CLK2: variants seen among roughly 807,000 people sequenced by gnomAD.
CLK2 encodes the protein dual specificity protein kinase CLK2.
CLK2 carries 12 observed loss-of-function variants against 73.5 expected under a neutral mutation model. The ratio of observed to expected loss-of-function variants is 0.16; its 90% CI spans 0.10 to 0.26. The LOEUF is 0.26. Ranked by LOEUF, CLK2 falls within the 10% of genes least tolerant of loss-of-function variation. The pLI, the probability that CLK2 is intolerant of heterozygous loss-of-function variation, is 1.00. For missense variants in CLK2, 509 were observed against 688.4 expected (o/e 0.74, Z 2.92); for synonymous variants, 232 against 237.9 (o/e 0.98, Z 0.23).
chr1:155,266,901 A>G lies in CLK2; in HGVS notation c.672-6T>C. On this transcript the variant is annotated splice_region_variant and splice_polypyrimidine_tract_variant and intron_variant, in intron 6 of 12. Transcript: ENST00000368361. ...CAAACATCTGGACACAGAGGCTGAG[A>G]AGAGAGATGGGGGAAGGGGGGTTGT... 1 of 1,612,630 alleles carries G rather than the reference A, an allele frequency of 6.2e-7. No individual in the cohort carries two copies. Among genetic ancestry groups the G allele is most frequent in the Non-Finnish European group, 8.5e-7 (1 of 1,179,420 alleles).
rs1391677476 is a variant in CLK2 at position 155,270,981 on chromosome 1, G to A, written c.1-4C>T. On this transcript the variant is annotated splice_region_variant and splice_polypyrimidine_tract_variant and intron_variant, in intron 1 of 12. Coordinates refer to ENST00000368361, the MANE Select transcript of CLK2 (RefSeq NM_001294338.2). ...GGTACCTTCGAGGATGCGGCATCTG[G>A]AAGGCAAGGGAAAGCGGAAATAGGA... 1.9e-6 allele frequency: 3 copies of A among 1,604,062 alleles called. No homozygotes were observed. In the South Asian group the frequency reaches 3.3e-5, roughly 18 times the overall value.
In CLK2 at chr1:155,264,095, T is replaced by C. The variant is rs1175070156; in HGVS notation, c.1227-55A>G. ...GAAGGTCACCCTTGTTACAATTCCC[T>C]TATTTCCCCATCTGAAAGTAACTGG... is the stretch of plus-strand genomic sequence containing the variant. On this transcript the variant is annotated intron_variant, in intron 11 of 12. Transcript: ENST00000368361. The C allele has an allele frequency of 4.5e-6, 7 of 1,569,244 alleles. No individual in the cohort carries two copies. The Admixed American group carries it at 6.7e-5, about 15-fold the overall frequency.
chr1:155,269,866 C>G, intron 2 of CLK2, 150 bp from the exon 3 acceptor site: 2 of 713,334 alleles, frequency 2.8e-6, no homozygotes, highest in Non-Finnish European at 4.8e-6. Context: ...GACCAAGGGA[C>G]CAGAGAAGTG....
At chr1:155,269,189 A>G in intron 3 of CLK2, 1 of 582,936 alleles carries the variant, frequency 1.7e-6, no homozygotes, top group Non-Finnish European at 3.1e-6. Context: ...GGCAGTTCAC[A>G]AGCAAGGTCC....
chr1:155,272,869 C>T (rs1673575300), intron 1 of CLK2, among the ~76,000 whole-genome samples: 1 of 152,294 alleles, frequency 6.6e-6, no homozygotes, highest in East Asian at 1.9e-4. Flanking sequence ...CCTGCATGTT[C>T]CAAGTGACAC....
chr1:155,264,595 C>G (rs745377544), intron 9 of CLK2, 45 bp from the exon 10 acceptor site: 2 of 1,614,086 alleles, frequency 1.2e-6, no homozygotes, highest in Admixed American at 3.3e-5. Flanking sequence ...GCTTAGGTGG[C>G]CCCACCCTCA....
rs1021564071 is a variant in CLK2 at position 155,263,024 on chromosome 1, T to G, written c.*194A>C. Reference sequence around the variant, plus strand: ...TGGAAACTGTGTGGATGGAATAGTATTATGTACAAGGCAGGGGTTGAAGTG... The same window carrying G: ...TGGAAACTGTGTGGATGGAATAGTAGTATGTACAAGGCAGGGGTTGAAGTG... On this transcript the variant is annotated 3_prime_UTR_variant, in exon 13 of 13. Transcript: ENST00000368361. 13 of 590,064 alleles carry G rather than the reference T, an allele frequency of 2.2e-5. No individual in the cohort carries two copies. Among genetic ancestry groups the G allele is most frequent in the East Asian group, 1.1e-4 (4 of 34,988 alleles). 36.6% of individuals were successfully genotyped at this position (590,064 alleles called of 1,614,324 possible). A position where few individuals can be genotyped will look rare whatever the true frequency, so the allele number is the denominator to read the frequency against.
intron 10 of CLK2, 72 bp from the exon 11 acceptor site, chr1:155,264,372 G>A: frequency 1.9e-6 from 3 of 1,601,658 alleles, no homozygotes; most frequent in Non-Finnish European, 2.6e-6. Context: ...AGGAAGGCAG[G>A]CAATGTGGAG....
At position 155,263,175 on chromosome 1, in the gene CLK2, A is replaced by G; in HGVS notation, c.*43T>C. ...AAAGCACCAGTGTCCTGGACTGGAC[A>G]CCCACTGCTATAAAAGATGCAGGGG... On this transcript the variant is annotated 3_prime_UTR_variant, in exon 13 of 13. Coordinates refer to ENST00000368361, the MANE Select transcript of CLK2 (RefSeq NM_001294338.2). 3.8e-6 allele frequency: 6 copies of G among 1,570,900 alleles called. No individual in the cohort carries two copies. Among genetic ancestry groups the G allele is most frequent in the African/African-American group, 2.7e-5 (2 of 73,888 alleles).
At position 155,266,098 on chromosome 1, in the gene CLK2, A is replaced by T. The variant is rs978254658; in HGVS notation, c.839-144T>A. ...AGGGCTGCTTTCTGCTCTACGTCTA[A>T]ATGGAATGCCTGGTCTAAGAAGCTC... On this transcript the variant is annotated intron_variant, in intron 7 of 12. Coordinates refer to ENST00000368361, the MANE Select transcript of CLK2 (RefSeq NM_001294338.2). 9 of 660,888 alleles carry T rather than the reference A, an allele frequency of 1.4e-5. No homozygotes were observed. The African/African-American group carries it at 1.6e-4, about 12-fold the overall frequency. The allele number at this position is 660,888 out of a possible 1,614,324, so 40.9% of individuals were successfully genotyped here. A position where few individuals can be genotyped will look rare whatever the true frequency, so the allele number is the denominator to read the frequency against.
chr1:155,271,693 A>C (rs895337831), intron 1 of CLK2, among the ~76,000 whole-genome samples: 4 of 152,214 alleles, frequency 2.6e-5, no homozygotes, highest in Non-Finnish European at 5.9e-5. Flanking sequence ...GTTCCTCACA[A>C]GTCAATAGAG....
chr1:155,263,895 T>C, intron 12 of CLK2, 55 bp downstream of exon 12: 6 of 1,554,652 alleles, frequency 3.9e-6, no homozygotes, highest in Non-Finnish European at 4.4e-6. Context: ...CAAACCACCC[T>C]AAGAAGGAAG....
At chr1:155,267,380 A>G (rs769176526) in intron 6 of CLK2, among the ~76,000 whole-genome samples, 8 of 152,148 alleles carry the variant, frequency 5.3e-5, no homozygotes, top group Non-Finnish European at 7.4e-5. Flanking sequence ...GTGAGCCACC[A>G]TGCCCAGCCC....
chr1:155,270,689 G>T, intron 2 of CLK2, 119 bp downstream of exon 2: 3 of 1,166,694 alleles, frequency 2.6e-6, no homozygotes, highest in Non-Finnish European at 3.7e-6. Flanking sequence ...TATCTATCCC[G>T]ACATTACCTT....
At chr1:155,264,621 TTGG>T in intron 9 of CLK2, 21 bp downstream of exon 9, 2 of 1,614,206 alleles carry the variant, frequency 1.2e-6, no homozygotes, top group Non-Finnish European at 1.7e-6. Flanking sequence ...TCTCACACAC[TTGG>T]ACAGCCTTGC....
At chr1:155,270,676 G>T in intron 2 of CLK2, 132 bp downstream of exon 2, 4 of 1,013,636 alleles carry the variant, frequency 3.9e-6, no homozygotes, top group Non-Finnish European at 5.8e-6. Flanking sequence ...TGGCTTCTTT[G>T]GTTATCTATC....
chr1:155,267,954 C>T, intron 6 of CLK2, 56 bp downstream of exon 6: 1 of 1,212,332 alleles, frequency 8.2e-7, no homozygotes, highest in Non-Finnish European at 1.2e-6. Flanking sequence ...CTAGAAGTCT[C>T]TCCCGTGTAG....
chr1:155,266,073 A>G, intron 7 of CLK2, 119 bp from the exon 8 acceptor site: 1 of 725,120 alleles, frequency 1.4e-6, no homozygotes, highest in East Asian at 2.5e-5. Context: ...CAGAATCACT[A>G]GGGCTGCTTT....
rs547588449 is a variant in CLK2, at chr1:155,263,061, T to C, written c.*157A>G. 65 of 704,508 alleles carry C rather than the reference T, an allele frequency of 9.2e-5. No individual in the cohort carries two copies. In the Admixed American group the frequency reaches 1.8e-3, roughly 19 times the overall value. 43.6% of individuals were successfully genotyped at this position (704,508 alleles called of 1,614,324 possible). On this transcript the variant is annotated 3_prime_UTR_variant, in exon 13 of 13. Coordinates refer to ENST00000368361, the MANE Select transcript of CLK2 (RefSeq NM_001294338.2). ...CAGGGGTTGAAGTGATAGGTACAAG[T>C]TCTTTCATATTTACACTATTTCACA...
Sources: gnomAD v4.1 joint callset for allele counts (sites outside exome capture counted in the v4.1 genomes callset) on GRCh38, gnomAD v4.1.1 for gene constraint, MANE v1.5 for transcripts, NCBI Gene and HGNC (gene_info 2026-07-23, HGNC 2026-07-21) for gene names.